Variants in MSH3 observed in about 807,000 individuals in gnomAD.
MSH3 encodes DNA mismatch repair protein Msh3.
MSH3 carries 106 observed loss-of-function variants against 123.3 expected under a neutral mutation model. The ratio of observed to expected loss-of-function variants is 0.86; its 90% confidence interval spans 0.73 to 1.01. The LOEUF is 1.01. MSH3 is among the 50% of genes least tolerant of loss of function. MSH3 has a pLI of 0.00. For missense variants in MSH3, 1,459 were observed against 1,347.6 expected, an observed-to-expected ratio of 1.08 and a Z score of -1.29; for synonymous variants, 515 against 481.4, an observed-to-expected ratio of 1.07 and a Z score of -0.91.
At chr5:80,863,863 C>G (rs1746053964) in intron 21 of MSH3, among the ~76,000 whole-genome samples, 1 of 152,040 alleles carries the variant, frequency 6.6e-6, no homozygotes, top group Admixed American at 6.6e-5. Flanking sequence ...GCAGAGGAAT[C>G]TCTCAGCAGA....
chr5:80,729,328 T>A (rs1743363582), intron 10 of MSH3, among the ~76,000 whole-genome samples: 1 of 145,344 alleles, frequency 6.9e-6, no homozygotes, highest in Admixed American at 7.2e-5. Flanking sequence ...GACAGGAGAA[T>A]GGCGTGAACC....
At chr5:80,779,053 A>G (rs1744362590) in intron 17 of MSH3, among the ~76,000 whole-genome samples, 1 of 146,546 alleles carries the variant, frequency 6.8e-6, no homozygotes. Context: ...GTGCAGTGGC[A>G]CGATCTCGGC....
chr5:80,680,154 G>A (rs1015664446), intron 8 of MSH3, among the ~76,000 whole-genome samples: 3 of 151,682 alleles, frequency 2.0e-5, no homozygotes, highest in Admixed American at 6.6e-5. Flanking sequence ...CAGCTACCCC[G>A]GAGGCTGAGG....
In MSH3 at chr5:80,656,369, A is replaced by C. The variant is rs770591677; in HGVS notation, c.238-42A>C. On this transcript the variant is annotated intron_variant, in intron 1 of 23. Transcript: ENST00000265081. ...TGCTTCACATACGTCAGGCCTTCTC[A>C]GAGTAGAGATAACACATCATTTTCT... 4 of 1,612,782 alleles carry C rather than the reference A, an allele frequency of 2.5e-6. No individual in the cohort carries two copies. In the South Asian group the frequency reaches 4.4e-5, roughly 18 times the overall value.
chr5:80,709,412 G>A (rs1291533750), intron 8 of MSH3, among the ~76,000 whole-genome samples: 2 of 152,180 alleles, frequency 1.3e-5, no homozygotes, highest in Non-Finnish European at 2.9e-5. Context: ...CACGAGGTCA[G>A]GAGATCGAGA....
At chr5:80,772,080 T>C (rs537274829) in intron 15 of MSH3, among the ~76,000 whole-genome samples, 2 of 152,300 alleles carry the variant, frequency 1.3e-5, no homozygotes, top group South Asian at 4.1e-4. Context: ...TTTATGAATA[T>C]ATACCAATTA....
At chr5:80,816,921 C>G (rs1262959542) in intron 20 of MSH3, among the ~76,000 whole-genome samples, 1 of 152,062 alleles carries the variant, frequency 6.6e-6, no homozygotes, top group Non-Finnish European at 1.5e-5. Flanking sequence ...CTGAGACATT[C>G]AAAGGGAGCT....
At chr5:80,777,986 G>A (rs764423287) in intron 16 of MSH3, among the ~76,000 whole-genome samples, 1 of 152,194 alleles carries the variant, frequency 6.6e-6, no homozygotes, top group Admixed American at 6.5e-5. Flanking sequence ...TTTCATAGAT[G>A]AGAAAAGTGA....
At chr5:80,700,946 T>A (rs1195508844) in intron 8 of MSH3, among the ~76,000 whole-genome samples, 1 of 152,220 alleles carries the variant, frequency 6.6e-6, no homozygotes, top group African/African-American at 2.4e-5. Context: ...GTGCTGCATT[T>A]GTTTTACTAA....
intron 20 of MSH3, among the ~76,000 whole-genome samples, chr5:80,846,932 A>G (rs1453385184): frequency 1.3e-5 from 2 of 151,700 alleles, no homozygotes; most frequent in Non-Finnish European, 2.9e-5. Flanking sequence ...CCACTGTCCA[A>G]CCAGTCCCAA....
chr5:80,761,374 C>A (rs1055648926), intron 12 of MSH3, among the ~76,000 whole-genome samples, 172 bp from the exon 13 acceptor site: 2 of 152,140 alleles, frequency 1.3e-5, no homozygotes, highest in Non-Finnish European at 2.9e-5. Flanking sequence ...AATGCATACG[C>A]CCATTGGAGT....
chr5:80,755,950 C>T (rs1231923855), intron 12 of MSH3, among the ~76,000 whole-genome samples: 1 of 152,126 alleles, frequency 6.6e-6, no homozygotes. Context: ...TCAATTTATA[C>T]TCTGTGTGGT....
intron 20 of MSH3, among the ~76,000 whole-genome samples, chr5:80,824,436 G>A (rs1418603066): frequency 2.0e-5 from 3 of 151,598 alleles, no homozygotes; most frequent in Non-Finnish European, 4.4e-5. Flanking sequence ...CTGGCCGGGC[G>A]GGGGCTGCCC....
intron 12 of MSH3, among the ~76,000 whole-genome samples, chr5:80,750,078 A>AGAGTGTGTGTGTGTGT (rs1554071460): frequency 2.2e-5 from 3 of 134,260 alleles, no homozygotes; most frequent in African/African-American, 9.0e-5. Context: ...AGTATTCCAG[A>AGAGTGTGTGTGTGTGT]GTGTGTGTGT....
chr5:80,732,862 A>C (rs1743436205), intron 10 of MSH3, among the ~76,000 whole-genome samples: 1 of 152,134 alleles, frequency 6.6e-6, no homozygotes. Context: ...ACTACAACTA[A>C]CGTGGAACTT....
intron 8 of MSH3, among the ~76,000 whole-genome samples, chr5:80,705,933 A>G (rs779085777): frequency 6.6e-6 from 1 of 152,192 alleles, no homozygotes; most frequent in Non-Finnish European, 1.5e-5. Flanking sequence ...GTGGACTTCC[A>G]CATTTGAATG....
In MSH3 at chr5:80,815,918, C is replaced by G. The variant is rs1222953134; in HGVS notation, c.2813+2177C>G. On this transcript the variant is annotated intron_variant, in intron 20 of 23. Transcript: ENST00000265081. ...ATCAGTAATAATAGTAACAGCCAAC[C>G]TTTATGATATATTTACAATATTAGT... 2.0e-5 allele frequency among the ~76,000 whole-genome samples: 3 copies of G among 152,068 alleles called. No homozygotes were observed. In the East Asian group the frequency reaches 5.8e-4, roughly 29 times the overall value.
intron 20 of MSH3, among the ~76,000 whole-genome samples, chr5:80,846,999 A>G (rs1231000746): frequency 6.6e-6 from 1 of 151,488 alleles, no homozygotes; most frequent in African/African-American, 2.4e-5. Flanking sequence ...TTCTGCATCC[A>G]TCTCGGTGGG....
At chr5:80,706,127 G>A (rs917246577) in intron 8 of MSH3, among the ~76,000 whole-genome samples, 7 of 152,148 alleles carry the variant, frequency 4.6e-5, no homozygotes, top group African/African-American at 1.7e-4. Context: ...TCCAGAGTTA[G>A]TATGGTTTAA....
Sources: gnomAD v4.1 joint callset for allele counts (sites outside exome capture counted in the v4.1 genomes callset) on GRCh38, gnomAD v4.1.1 for gene constraint, MANE v1.5 for transcripts, NCBI Gene and HGNC (gene_info 2026-07-23, HGNC 2026-07-21) for gene names.